Variants in GRIP2 observed in about 807,000 individuals in gnomAD.
The protein encoded by GRIP2 is glutamate receptor interacting protein 2, also known as glutamate receptor-interacting protein 2.
Under a neutral mutation model 108.3 loss-of-function variants are expected in GRIP2, and 58 were observed. The ratio of observed to expected loss-of-function variants is 0.54; its 90% CI spans 0.43 to 0.67. GRIP2 has a LOEUF of 0.67. GRIP2 is among the 30% of genes least tolerant of loss of function. The pLI, the probability that GRIP2 is intolerant of heterozygous loss-of-function variation, is 0.00. For synonymous variants in GRIP2, 586 were observed against 598.2 expected (o/e 0.98, Z 0.30); for missense variants, 1,278 against 1,430.6 (o/e 0.89, Z 1.72).
At position 14,507,808 on chromosome 3, in the gene GRIP2, AC is replaced by A; in HGVS notation, c.2079-109del. The A allele has an allele frequency of 7.6e-7, 1 of 1,320,326 alleles. No homozygotes were observed. Among genetic ancestry groups the A allele is most frequent in the Non-Finnish European group, 1.1e-6 (1 of 949,186 alleles). The allele number at this position is 1,320,326 out of a possible 1,614,324, so 81.8% of individuals were successfully genotyped here. ...GAGCCACAAAGCAGAAGTCTGGCTG[AC>A]CCCAGTTAAACCCAGCTGCCAAAAA... On this transcript the variant is annotated intron_variant, in intron 17 of 23. Coordinates refer to ENST00000621039, the MANE Select transcript of GRIP2 (RefSeq NM_001080423.4). The surrounding 1 kb of genome is among the most constrained non-coding windows in gnomAD (Gnocchi z 4.6).
chr3:14,561,699 T>TC, the GRIP2 span, among the ~76,000 whole-genome samples: 1 of 152,230 alleles, frequency 6.6e-6, no homozygotes, highest in Admixed American at 6.5e-5. Context: ...TAGCATCTCA[T>TC]CAGAGATGCC....
intron 9 of GRIP2, 85 bp from the exon 10 acceptor site, chr3:14,517,982 G>T: frequency 7.0e-7 from 1 of 1,418,948 alleles, no homozygotes; most frequent in Non-Finnish European, 9.3e-7. Context: ...AGAACCAGAA[G>T]ATCCTCGTGC....
chr3:14,496,587 G>C, intron 21 of GRIP2, 27 bp from the exon 22 acceptor site: 1 of 1,583,080 alleles, frequency 6.3e-7, no homozygotes. Flanking sequence ...CTTTCTTTCA[G>C]ATGCTTGTTG....
chr3:14,574,375 C>T, the GRIP2 span: 196 of 909,150 alleles, frequency 2.2e-4, 2 homozygotes, highest in East Asian at 4.6e-3. Flanking sequence ...CGCGGCCCCG[C>T]GGTGCTCACC....
chr3:14,533,956 G>A lies in GRIP2; in HGVS notation c.40+6313C>T, dbSNP rs116190288. Among the ~76,000 whole-genome samples the A allele has an allele frequency of 3.6e-3, 550 of 152,286 alleles. 3 individuals carry two copies. The highest frequency in any genetic ancestry group is 0.012 in the African/African-American group (519 of 41,552). On this transcript the variant is annotated intron_variant, in intron 1 of 23. Transcript: ENST00000621039. Reference sequence around the variant, plus strand: ...GTCAGTGGGCAGCAGGCGAGGCCTCGAGAGACTTCCCTAGGCATCTCAGGG... The same window carrying A: ...GTCAGTGGGCAGCAGGCGAGGCCTCAAGAGACTTCCCTAGGCATCTCAGGG...
At chr3:14,529,940 G>C (rs948088002) in intron 1 of GRIP2, among the ~76,000 whole-genome samples, 3 of 152,156 alleles carry the variant, frequency 2.0e-5, no homozygotes, top group African/African-American at 7.2e-5. Context: ...TCATTACCCT[G>C]ATATCAATGA....
At position 14,512,666 on chromosome 3, in the gene GRIP2, G is replaced by C; in HGVS notation, c.1720+111C>G. The stretch of plus-strand genomic sequence containing the variant: ...CCCCACACCCCCAAGCCTTTTCCTC[G>C]GGCCCCGCAGGGTGTCACGCCATGG... On this transcript the variant is annotated intron_variant, in intron 14 of 23. Transcript: ENST00000621039. This position sits in a 1 kb window ranked among gnomAD's most constrained non-coding sequence, Gnocchi z 5.1. The C allele has an allele frequency of 9.8e-7, 1 of 1,016,496 alleles. No individual in the cohort carries two copies. Among genetic ancestry groups the C allele is most frequent in the Non-Finnish European group, 1.5e-6 (1 of 684,244 alleles). 63.0% of individuals were successfully genotyped at this position (1,016,496 alleles called of 1,614,324 possible).
chr3:14,516,975 C>T (rs1694264511), intron 11 of GRIP2, 89 bp downstream of exon 11: 2 of 1,286,166 alleles, frequency 1.6e-6, no homozygotes, highest in Admixed American at 3.7e-5. Flanking sequence ...GCCCAAAATA[C>T]CTCCCCTCGC....
the GRIP2 span, among the ~76,000 whole-genome samples, chr3:14,599,035 T>C: frequency 6.6e-6 from 1 of 152,186 alleles, no homozygotes; most frequent in African/African-American, 2.4e-5. Context: ...GTTGTCTTCA[T>C]ATCACTGATG....
At chr3:14,596,741 G>A in the GRIP2 span, among the ~76,000 whole-genome samples, 1,748 of 152,140 alleles carry the variant, frequency 0.011, 36 homozygotes, top group African/African-American at 0.039. Context: ...ATTAGGGAAG[G>A]CTTCTCTGAG....
chr3:14,513,302 A>T (rs983149454), intron 13 of GRIP2, among the ~76,000 whole-genome samples: 2 of 152,166 alleles, frequency 1.3e-5, no homozygotes, highest in Non-Finnish European at 2.9e-5. Flanking sequence ...ACGGATGGGG[A>T]AACAGTGGAG....
chr3:14,532,610 T>G (rs984648687), intron 1 of GRIP2, among the ~76,000 whole-genome samples: 1 of 151,818 alleles, frequency 6.6e-6, no homozygotes, highest in African/African-American at 2.4e-5. Flanking sequence ...GAACCATTGC[T>G]CTATAGTCAG....
Position 14,511,465 on chromosome 3 carries a change from G to A in GRIP2, c.1735C>T (p.Arg579Ter), listed in dbSNP as rs753194548. ...TCGGAGATGATCAAGGGCTCCCCTC[G>A]TTTCCTGCTGGCCGCTGGAGAAAAA... is the stretch of plus-strand genomic sequence containing the variant. ...GITISSASRK[R>*]GEPLIISDIK... is the part of the protein sequence containing the mutation. The change falls in exon 15 of 24, where the codon CGA becomes TGA. Residue 579 changes from arginine to a stop codon, truncating the protein, a stop_gained. Coordinates refer to ENST00000621039, the MANE Select transcript of GRIP2 (RefSeq NM_001080423.4). LOFTEE classifies it high-confidence loss of function. The surrounding 1 kb of genome is among the most constrained non-coding windows in gnomAD (Gnocchi z 4.1). The A allele has an allele frequency of 2.2e-5, 35 of 1,613,358 alleles. No homozygotes were observed. The highest frequency in any genetic ancestry group is 2.7e-5 in the African/African-American group (2 of 74,896).
the GRIP2 span, among the ~76,000 whole-genome samples, chr3:14,565,357 C>T: frequency 6.6e-6 from 1 of 152,170 alleles, no homozygotes; most frequent in Non-Finnish European, 1.5e-5. Flanking sequence ...GTGCTGGGCT[C>T]CCAGACGGGG....
intron 21 of GRIP2, among the ~76,000 whole-genome samples, chr3:14,500,737 C>T (rs532800629): frequency 3.3e-5 from 5 of 152,082 alleles, no homozygotes; most frequent in Admixed American, 1.3e-4. Flanking sequence ...TAAAGGCCCT[C>T]GGTGAAAGAC....
At chr3:14,563,120 C>T in the GRIP2 span, among the ~76,000 whole-genome samples, 1 of 152,102 alleles carries the variant, frequency 6.6e-6, no homozygotes, top group South Asian at 2.1e-4. Flanking sequence ...TTGAATAAAC[C>T]GATCATGAAA....
the GRIP2 span, among the ~76,000 whole-genome samples, chr3:14,583,715 A>T: frequency 1.3e-5 from 2 of 152,202 alleles, no homozygotes; most frequent in African/African-American, 4.8e-5. Context: ...TACGCTGCTG[A>T]CTGTCACTGC....
chr3:14,599,373 G>A, the GRIP2 span, among the ~76,000 whole-genome samples: 1 of 152,152 alleles, frequency 6.6e-6, no homozygotes, highest in African/African-American at 2.4e-5. Context: ...ATCTGCTGGT[G>A]GAAATCTGAC....
the GRIP2 span, chr3:14,574,265 G>T: frequency 1.1e-6 from 1 of 892,598 alleles, no homozygotes. Context: ...TGTGCTTGTG[G>T]TAGGTGTGGT....
Sources: gnomAD v4.1 joint callset for allele counts (sites outside exome capture counted in the v4.1 genomes callset) on GRCh38, gnomAD v4.1.1 for gene constraint, Gnocchi (gnomAD v3.1) non-coding constraint, MANE v1.5 for transcripts, NCBI Gene and HGNC (gene_info 2026-07-23, HGNC 2026-07-21) for gene names.